PTPRD: variants seen among roughly 807,000 people sequenced by gnomAD.
PTPRD encodes the protein protein tyrosine phosphatase receptor type D.
PTPRD carries 34 observed loss-of-function variants against 214.5 expected under a neutral mutation model. That is an observed-to-expected ratio of 0.16 (90% CI 0.12 to 0.21). The LOEUF (loss-of-function observed/expected upper bound fraction) is 0.21. Ranked by LOEUF, PTPRD falls within the 10% of genes least tolerant of loss-of-function variation. The pLI is 1.00. For missense variants in PTPRD, 2,545 were observed against 2,398.7 expected (o/e 1.06, Z -1.27); for synonymous variants, 1,128 against 845.7 (o/e 1.33, Z -5.79).
intron 9 of PTPRD, among the ~76,000 whole-genome samples, chr9:9,250,437 T>C (rs1319587690): frequency 6.6e-6 from 1 of 152,108 alleles, no homozygotes; most frequent in Non-Finnish European, 1.5e-5. Flanking sequence ...CAAGCTGTTA[T>C]AGTTAGGTGA....
chr9:8,923,841 T>C (rs1237488808), intron 11 of PTPRD, among the ~76,000 whole-genome samples: 1 of 152,156 alleles, frequency 6.6e-6, no homozygotes, highest in Admixed American at 6.6e-5. Context: ...TTTGAAACAA[T>C]GCAGTGAGTC....
chr9:9,392,794 A>G (rs2066337627), intron 9 of PTPRD, among the ~76,000 whole-genome samples: 1 of 152,164 alleles, frequency 6.6e-6, no homozygotes, highest in Admixed American at 6.6e-5. Context: ...AATATTTTGT[A>G]GTCTGTTTTC....
At chr9:9,877,237 T>C (rs1015592967) in intron 5 of PTPRD, among the ~76,000 whole-genome samples, 1 of 152,170 alleles carries the variant, frequency 6.6e-6, no homozygotes, top group African/African-American at 2.4e-5. Context: ...TAATTCTATA[T>C]TTTTCTTATA....
At chr9:9,425,108 T>C (rs1360449256) in intron 8 of PTPRD, among the ~76,000 whole-genome samples, 1 of 152,040 alleles carries the variant, frequency 6.6e-6, no homozygotes, top group Non-Finnish European at 1.5e-5. Context: ...CTAGACTGTC[T>C]AATCATGACA....
chr9:10,600,817 GTACTATA>G (rs2077775667), intron 2 of PTPRD, among the ~76,000 whole-genome samples: 1 of 151,666 alleles, frequency 6.6e-6, no homozygotes, highest in African/African-American at 2.4e-5. Flanking sequence ...CTCATACAGA[GTACTATA>G]TATGATACTC....
chr9:9,275,829 G>GTGTA (rs1031697890), intron 9 of PTPRD, among the ~76,000 whole-genome samples: 1 of 143,932 alleles, frequency 6.9e-6, no homozygotes, highest in African/African-American at 2.5e-5. Context: ...CTGTGTGTGT[G>GTGTA]TGTATGTGTG....
intron 11 of PTPRD, among the ~76,000 whole-genome samples, chr9:8,765,608 G>A (rs990531193): frequency 2.6e-5 from 4 of 152,172 alleles, no homozygotes; most frequent in African/African-American, 9.6e-5. Flanking sequence ...CCGACATCTT[G>A]ACTGCAACCT....
At position 9,704,462 on chromosome 9, in the gene PTPRD, T is replaced by C. The variant is rs190566245; in HGVS notation, c.-287+30071A>G. On this transcript the variant is annotated intron_variant, in intron 7 of 45. Coordinates refer to ENST00000381196, the MANE Select transcript of PTPRD (RefSeq NM_002839.4). The stretch of plus-strand genomic sequence containing the variant: ...TGAGAATCTGGTTTGTCATTCCCCA[T>C]GTATGGTGGTTGAAAGATAGCCACA... Among the ~76,000 whole-genome samples the C allele has an allele frequency of 4.7e-3, 714 of 152,258 alleles. 6 individuals are homozygous for C. The highest frequency in any genetic ancestry group is 0.017 in the African/African-American group (689 of 41,554).
intron 3 of PTPRD, among the ~76,000 whole-genome samples, chr9:10,286,020 C>T (rs756038948): frequency 4.6e-5 from 7 of 151,724 alleles, no homozygotes; most frequent in Non-Finnish European, 1.0e-4. Context: ...TGAGAAAGGG[C>T]CTAATAGTTA....
chr9:8,923,326 G>A (rs565131612), intron 11 of PTPRD, among the ~76,000 whole-genome samples: 1 of 151,988 alleles, frequency 6.6e-6, no homozygotes. Flanking sequence ...ACAGGCATGA[G>A]CCACCGCGCC....
chr9:10,108,246 C>G (rs988001965), intron 3 of PTPRD, among the ~76,000 whole-genome samples: 2 of 152,060 alleles, frequency 1.3e-5, no homozygotes, highest in African/African-American at 2.4e-5. Flanking sequence ...TCTCGATATA[C>G]ATACATTGTA....
intron 11 of PTPRD, among the ~76,000 whole-genome samples, chr9:8,878,551 G>C (rs1376418858): frequency 1.3e-5 from 2 of 151,582 alleles, no homozygotes; most frequent in Non-Finnish European, 2.9e-5. Context: ...TTTTGAGACA[G>C]AGTCTCACTG....
At position 9,605,135 on chromosome 9, in the gene PTPRD, T is replaced by C. The variant is rs371609482; in HGVS notation, c.-286-30354A>G. Among the ~76,000 whole-genome samples the C allele has an allele frequency of 1.2e-4, 18 of 152,222 alleles. No individual in the cohort carries two copies. In the East Asian group the frequency reaches 2.1e-3, roughly 18 times the overall value. Reference sequence around the variant, plus strand: ...TTACCCAGTAGATTCACATAACGTATACACTGGAACATTACCATTATTCCC... The same window carrying C: ...TTACCCAGTAGATTCACATAACGTACACACTGGAACATTACCATTATTCCC... On this transcript the variant is annotated intron_variant, in intron 7 of 45. Coordinates refer to ENST00000381196, the MANE Select transcript of PTPRD (RefSeq NM_002839.4).
chr9:9,398,071 G>A (rs1196268310), intron 8 of PTPRD, among the ~76,000 whole-genome samples: 1 of 151,530 alleles, frequency 6.6e-6, no homozygotes, highest in African/African-American at 2.4e-5. Flanking sequence ...CACTAGTCTC[G>A]AATCATAAGC....
chr9:9,500,449 A>C (rs2096371399), intron 8 of PTPRD, among the ~76,000 whole-genome samples: 1 of 152,118 alleles, frequency 6.6e-6, no homozygotes, highest in South Asian at 2.1e-4. Flanking sequence ...GCTAAAGAAC[A>C]CAGCAGTGCC....
chr9:8,389,201 T>C (rs534242768), intron 37 of PTPRD, 31 bp downstream of exon 37: 1 of 1,563,548 alleles, frequency 6.4e-7, no homozygotes, highest in East Asian at 2.3e-5. Context: ...GGAAAATTTT[T>C]AAAAGGAAAG....
intron 8 of PTPRD, among the ~76,000 whole-genome samples, chr9:9,447,485 G>A (rs1169239978): frequency 6.6e-6 from 1 of 152,056 alleles, no homozygotes; most frequent in Non-Finnish European, 1.5e-5. Context: ...GACACAAAGA[G>A]GGGAACAACA....
At chr9:9,445,157 T>A (rs1239341991) in intron 8 of PTPRD, among the ~76,000 whole-genome samples, 1 of 152,204 alleles carries the variant, frequency 6.6e-6, no homozygotes, top group Non-Finnish European at 1.5e-5. Context: ...AAACTAGAGA[T>A]TATTCTGGAT....
chr9:9,728,938 T>C (rs2098138305), intron 7 of PTPRD, among the ~76,000 whole-genome samples: 1 of 152,132 alleles, frequency 6.6e-6, no homozygotes, highest in Admixed American at 6.6e-5. Flanking sequence ...CCAAGTCTTC[T>C]ATTTTGGAGG....
Sources: gnomAD v4.1 joint callset for allele counts (sites outside exome capture counted in the v4.1 genomes callset) on GRCh38, gnomAD v4.1.1 for gene constraint, MANE v1.5 for transcripts, NCBI Gene and HGNC (gene_info 2026-07-23, HGNC 2026-07-21) for gene names.